TENM3: variants seen among roughly 807,000 people sequenced by gnomAD.
TENM3 encodes teneurin-3.
TENM3 carries 63 observed loss-of-function variants against 255.1 expected under a neutral mutation model. That is an observed-to-expected ratio of 0.25 (90% CI 0.20 to 0.30). The LOEUF is 0.30. Among genes scored for constraint, TENM3 ranks in the 10% least tolerant of loss-of-function variants. TENM3 has a pLI of 1.00. For synonymous variants in TENM3, 1,306 were observed against 1,322.3 expected (o/e 0.99, Z 0.27); for missense variants, 2,929 against 3,461.1 (o/e 0.85, Z 3.86).
At chr4:182,333,122 T>C (rs1763889406) in intron 2 of TENM3, among the ~76,000 whole-genome samples, 1 of 152,184 alleles carries the variant, frequency 6.6e-6, no homozygotes, top group African/African-American at 2.4e-5. Context: ...TTGCATAACC[T>C]TCAAAGTACA....
intron 3 of TENM3, among the ~76,000 whole-genome samples, chr4:182,487,330 A>G (rs1734857271): frequency 6.6e-6 from 1 of 152,168 alleles, no homozygotes; most frequent in Non-Finnish European, 1.5e-5. Context: ...TTGTCTCTTT[A>G]TCGTTGAATT....
the TENM3 span, among the ~76,000 whole-genome samples, chr4:181,767,332 AAAAAC>A: frequency 6.6e-6 from 1 of 152,054 alleles, no homozygotes; most frequent in African/African-American, 2.4e-5. Flanking sequence ...TACTGAAAGA[AAAAAC>A]AAAACCATCT....
chr4:181,724,636 G>A, the TENM3 span, among the ~76,000 whole-genome samples: 9 of 152,064 alleles, frequency 5.9e-5, no homozygotes, highest in Non-Finnish European at 1.0e-4. Flanking sequence ...GGGGGATTTT[G>A]TTTGTTAGTT....
chr4:182,171,722 T>G (rs1457067153), intron 1 of TENM3, among the ~76,000 whole-genome samples: 1 of 152,234 alleles, frequency 6.6e-6, no homozygotes, highest in Non-Finnish European at 1.5e-5. Flanking sequence ...TGCTTGATTT[T>G]AGAACATTCA....
rs1446889394 is a variant in TENM3, at chr4:182,233,291, C to A, written c.-76+88537C>A. Among the ~76,000 whole-genome samples the A allele has an allele frequency of 2.6e-5, 4 of 152,228 alleles. No individual in the cohort carries two copies. In the East Asian group the frequency reaches 7.7e-4, roughly 29 times the overall value. ...CATCTATCCTGGATAGACGTCCACA[C>A]ATGATCCCACACTGGCACTGTTCTG... On this transcript the variant is annotated intron_variant, in intron 1 of 2. Coordinates refer to the TENM3 transcript ENST00000512480.
the TENM3 span, among the ~76,000 whole-genome samples, chr4:181,641,550 GTGTGTA>G: frequency 1.1e-3 from 54 of 49,042 alleles, 2 homozygotes; most frequent in African/African-American, 5.6e-3. Context: ...TCCATGGTGT[GTGTGTA>G]TATATATATA....
At chr4:181,911,476 T>C in the TENM3 span, among the ~76,000 whole-genome samples, 1 of 152,212 alleles carries the variant, frequency 6.6e-6, no homozygotes, top group African/African-American at 2.4e-5. Flanking sequence ...GATATTCGTG[T>C]TGATGAAAAT....
the TENM3 span, among the ~76,000 whole-genome samples, chr4:181,694,861 A>C: frequency 1.3e-5 from 2 of 152,206 alleles, no homozygotes; most frequent in Admixed American, 6.5e-5. Flanking sequence ...GCTATCCTAG[A>C]AGAAAGAAAA....
At chr4:181,570,219 G>A in the TENM3 span, among the ~76,000 whole-genome samples, 2 of 151,738 alleles carry the variant, frequency 1.3e-5, no homozygotes, top group African/African-American at 4.8e-5. Flanking sequence ...CTAATTTTTT[G>A]TATTTTTAGT....
At chr4:181,962,129 A>G in the TENM3 span, among the ~76,000 whole-genome samples, 2 of 152,232 alleles carry the variant, frequency 1.3e-5, no homozygotes, top group Non-Finnish European at 2.9e-5. Context: ...GTCAATGTGT[A>G]TAGCTCTAGC....
the TENM3 span, among the ~76,000 whole-genome samples, chr4:182,018,030 A>G: frequency 4.6e-5 from 7 of 152,194 alleles, no homozygotes; most frequent in African/African-American, 1.4e-4. Context: ...TATATTATAT[A>G]TTTCCTGAGA....
chr4:181,728,202 G>A, the TENM3 span, among the ~76,000 whole-genome samples: 2 of 152,126 alleles, frequency 1.3e-5, no homozygotes, highest in African/African-American at 4.8e-5. Flanking sequence ...TGTCTCAGTC[G>A]AATGGCCAAA....
At chr4:181,977,416 C>T in the TENM3 span, among the ~76,000 whole-genome samples, 1 of 152,160 alleles carries the variant, frequency 6.6e-6, no homozygotes, top group Admixed American at 6.5e-5. Flanking sequence ...ATTTGAAGCC[C>T]ATCCTGTTTC....
chr4:182,224,507 T>G (rs1756027668), intron 1 of TENM3, among the ~76,000 whole-genome samples: 1 of 152,216 alleles, frequency 6.6e-6, no homozygotes, highest in Non-Finnish European at 1.5e-5. Flanking sequence ...TACAGAAATC[T>G]TTCTTAAATT....
intron 3 of TENM3, among the ~76,000 whole-genome samples, chr4:182,497,712 A>C (rs899728298): frequency 1.3e-5 from 2 of 152,064 alleles, no homozygotes; most frequent in Non-Finnish European, 2.9e-5. Flanking sequence ...ACAGTTACCA[A>C]TCATATCAGT....
chr4:181,662,605 C>T, the TENM3 span, among the ~76,000 whole-genome samples: 177 of 152,234 alleles, frequency 1.2e-3, no homozygotes, highest in African/African-American at 3.8e-3. Context: ...CATTGTGTCA[C>T]GATTTTAATG....
At chr4:182,409,535 C>A (rs1050998266) in intron 3 of TENM3, among the ~76,000 whole-genome samples, 1 of 152,176 alleles carries the variant, frequency 6.6e-6, no homozygotes, top group African/African-American at 2.4e-5. Context: ...TAACTGCATC[C>A]TTTCCATGTG....
the TENM3 span, among the ~76,000 whole-genome samples, chr4:181,744,534 A>T: frequency 1.3e-5 from 2 of 152,116 alleles, no homozygotes; most frequent in Non-Finnish European, 2.9e-5. Context: ...GACTGATGTG[A>T]TGTAGTATCT....
the TENM3 span, among the ~76,000 whole-genome samples, chr4:182,063,929 A>G: frequency 6.6e-6 from 1 of 152,176 alleles, no homozygotes; most frequent in African/African-American, 2.4e-5. Flanking sequence ...GCATTCATGG[A>G]GTTGGCATTT....
Sources: gnomAD v4.1 joint callset for allele counts (sites outside exome capture counted in the v4.1 genomes callset) on GRCh38, gnomAD v4.1.1 for gene constraint, MANE v1.5 for transcripts, NCBI Gene and HGNC (gene_info 2026-07-23, HGNC 2026-07-21) for gene names.